The following TSPAN5 variants were observed in gnomAD, a reference collection of about 807,000 sequenced individuals.
TSPAN5 encodes the protein tetraspanin 5.
A neutral mutation model predicts 37.1 loss-of-function variants in TSPAN5; 10 were observed. The observed-to-expected ratio is 0.27, with a 90% CI of 0.17 to 0.46. The LOEUF (loss-of-function observed/expected upper bound fraction) is 0.46. Ranked by LOEUF, TSPAN5 falls within the 20% of genes least tolerant of loss-of-function variation. TSPAN5 has a pLI of 1.00. For missense variants in TSPAN5, 195 were observed against 326.6 expected, an observed-to-expected ratio of 0.60 and a Z score of 3.11; for synonymous variants, 110 against 118.9, an observed-to-expected ratio of 0.93 and a Z score of 0.48.
Position 98,556,548 on chromosome 4 carries a change from G to A in TSPAN5, c.82-48820C>T, listed in dbSNP as rs78381605. Among the ~76,000 whole-genome samples the A allele has an allele frequency of 9.3e-4, 142 of 152,246 alleles. 1 individual carries two copies. In the East Asian group the frequency reaches 0.019, roughly 20 times the overall value. On this transcript the variant is annotated intron_variant, in intron 1 of 7. Transcript: ENST00000305798. ...TAAAAAAACACCATACCCTAAACTT[G>A]CGTGTTCTCAATAAAATAATAGAGT...
intron 1 of TSPAN5, among the ~76,000 whole-genome samples, chr4:98,629,143 T>C (rs1470144092): frequency 1.3e-5 from 2 of 152,148 alleles, no homozygotes; most frequent in Non-Finnish European, 2.9e-5. Context: ...ACAGAAACAA[T>C]AAGCATAATT....
intron 4 of TSPAN5, among the ~76,000 whole-genome samples, chr4:98,480,426 C>T (rs566830010): frequency 6.8e-4 from 103 of 152,232 alleles, no homozygotes; most frequent in African/African-American, 2.1e-3. Context: ...TTAAAACAAG[C>T]GGTTAAATTC....
At chr4:98,484,405 T>C (rs1356076948) in intron 3 of TSPAN5, 1 of 455,726 alleles carries the variant, frequency 2.2e-6, no homozygotes, top group South Asian at 1.6e-5. Flanking sequence ...ATACCTTCTG[T>C]TCGAAGATTA....
intron 1 of TSPAN5, among the ~76,000 whole-genome samples, chr4:98,626,455 A>C (rs1756604366): frequency 5.9e-5 from 9 of 152,086 alleles, no homozygotes. Flanking sequence ...AAATTCCCCC[A>C]GAGTTTCTCA....
chr4:98,573,870 G>T (rs370982982), intron 1 of TSPAN5, among the ~76,000 whole-genome samples: 1 of 152,184 alleles, frequency 6.6e-6, no homozygotes, highest in Admixed American at 6.5e-5. Flanking sequence ...GGTAACTCAG[G>T]AATGTTAGAA....
At chr4:98,651,348 T>C (rs546624256) in intron 1 of TSPAN5, among the ~76,000 whole-genome samples, 1 of 152,232 alleles carries the variant, frequency 6.6e-6, no homozygotes, top group Non-Finnish European at 1.5e-5. Flanking sequence ...ACTAAAAACA[T>C]GTAACTAAAT....
intron 2 of TSPAN5, among the ~76,000 whole-genome samples, chr4:98,487,544 G>A (rs1435433370): frequency 2.6e-5 from 4 of 152,018 alleles, no homozygotes; most frequent in South Asian, 2.1e-4. Flanking sequence ...CACCCGGTCC[G>A]GCTACAAACA....
intron 1 of TSPAN5, among the ~76,000 whole-genome samples, chr4:98,518,637 C>T (rs7668981): frequency 0.39 from 59,256 of 152,078 alleles, 12,110 homozygotes; most frequent in South Asian, 0.55. Context: ...CAGCATCTCC[C>T]TTCAGGAACC....
intron 1 of TSPAN5, among the ~76,000 whole-genome samples, chr4:98,524,144 T>C (rs1355196186): frequency 6.6e-6 from 1 of 152,230 alleles, no homozygotes; most frequent in African/African-American, 2.4e-5. Context: ...TCAGTTAATC[T>C]AGCAGATTTG....
chr4:98,543,148 A>G (rs1754396341), intron 1 of TSPAN5, among the ~76,000 whole-genome samples: 2 of 152,116 alleles, frequency 1.3e-5, no homozygotes, highest in Non-Finnish European at 2.9e-5. Flanking sequence ...TAAAATGTGT[A>G]AAGTATGTGT....
At chr4:98,614,539 A>C (rs1271445292) in intron 1 of TSPAN5, among the ~76,000 whole-genome samples, 1 of 152,188 alleles carries the variant, frequency 6.6e-6, no homozygotes, top group Non-Finnish European at 1.5e-5. Context: ...GCCTTCCAAG[A>C]GGTCAAGAGG....
At chr4:98,581,083 ACT>A (rs1480945838) in intron 1 of TSPAN5, among the ~76,000 whole-genome samples, 1 of 152,234 alleles carries the variant, frequency 6.6e-6, no homozygotes, top group Non-Finnish European at 1.5e-5. Flanking sequence ...ATCTGTTGGC[ACT>A]GAGAGGCCCA....
chr4:98,607,247 G>A (rs73832357), intron 1 of TSPAN5, among the ~76,000 whole-genome samples: 21,399 of 152,088 alleles, frequency 0.14, 2,033 homozygotes, highest in African/African-American at 0.27. Flanking sequence ...GAAAAACAGG[G>A]GAGAGAGTTC....
intron 3 of TSPAN5, chr4:98,483,547 G>A (rs999988059): frequency 6.6e-6 from 1 of 152,242 alleles, no homozygotes; most frequent in Non-Finnish European, 1.5e-5. Context: ...AGGCTAGGCA[G>A]GGAGTGGGTA....
chr4:98,604,593 G>C (rs1755963041), intron 1 of TSPAN5, among the ~76,000 whole-genome samples: 2 of 152,204 alleles, frequency 1.3e-5, no homozygotes, highest in Admixed American at 6.5e-5. Context: ...ATTTATACTT[G>C]AATACTATAT....
chr4:98,478,821 C>G lies in TSPAN5; in HGVS notation c.451-11G>C, dbSNP rs770362966. ...CCCACAGCACTGCCACTAGAGCAAA[C>G]AGGAAAGAATTAGAACATCCCAACT... On this transcript the variant is annotated splice_polypyrimidine_tract_variant and intron_variant, in intron 4 of 7. Transcript: ENST00000305798. The G allele has an allele frequency of 6.2e-7, 1 of 1,613,064 alleles. No homozygotes were observed. Among genetic ancestry groups the G allele is most frequent in the East Asian group, 2.2e-5 (1 of 44,880 alleles).
chr4:98,556,987 C>A (rs774663637), intron 1 of TSPAN5, among the ~76,000 whole-genome samples: 4 of 152,002 alleles, frequency 2.6e-5, no homozygotes, highest in African/African-American at 4.8e-5. Flanking sequence ...AGCCAAATGA[C>A]CCTTATTACC....
intron 1 of TSPAN5, among the ~76,000 whole-genome samples, chr4:98,528,414 A>ATTTTT (rs10680446): frequency 0.045 from 6,393 of 143,634 alleles, 203 homozygotes; most frequent in Non-Finnish European, 0.069. Flanking sequence ...GTAACAGATG[A>ATTTTT]TTTTTTTTTT....
At chr4:98,626,270 T>C (rs1756598551) in intron 1 of TSPAN5, among the ~76,000 whole-genome samples, 1 of 152,212 alleles carries the variant, frequency 6.6e-6, no homozygotes, top group South Asian at 2.1e-4. Flanking sequence ...CTGAGTCCCC[T>C]TTATGTGCTA....
Sources: gnomAD v4.1 joint callset for allele counts (sites outside exome capture counted in the v4.1 genomes callset) on GRCh38, gnomAD v4.1.1 for gene constraint, MANE v1.5 for transcripts, NCBI Gene and HGNC (gene_info 2026-07-23, HGNC 2026-07-21) for gene names.